Variants in DERL2 observed in about 807,000 individuals in gnomAD.
DERL2 encodes the protein derlin-2.
In DERL2, 13 loss-of-function variants were observed where a neutral mutation model predicts 32.0. The observed-to-expected ratio is 0.41, with a 90% CI of 0.26 to 0.65. The LOEUF is 0.65. Ranked by LOEUF, DERL2 falls within the 30% of genes least tolerant of loss-of-function variation. The probability of loss-of-function intolerance (pLI) is 0.35; values close to 1 mark genes in which losing one functional copy is unlikely to be tolerated. For missense variants in DERL2, 208 were observed against 296.3 expected (o/e 0.70, Z 2.19); for synonymous variants, 111 against 104.7 (o/e 1.06, Z -0.37).
upstream of DERL2, chr17:5,486,224 C>A (rs1906286210): frequency 2.4e-6 from 3 of 1,264,946 alleles, no homozygotes; most frequent in Admixed American, 2.6e-5. Context: ...CAGCAGGCCC[C>A]GGCGGCGGGG....
chr17:5,471,790 T>A lies in DERL2; in HGVS notation c.*2894A>T, dbSNP rs796308773. On this transcript the variant is annotated 3_prime_UTR_variant, in exon 7 of 7. Transcript: ENST00000158771. ...AATGGCAGGATCATGACTAACAACA[T>A]AGCTGGAACTCACCTGTCAAAGAAA... The A allele has an allele frequency of 1.3e-5, 2 of 152,076 alleles. No homozygotes were observed. Among genetic ancestry groups the A allele is most frequent in the African/African-American group, 4.8e-5 (2 of 41,392 alleles). 9.4% of individuals were successfully genotyped at this position (152,076 alleles called of 1,614,324 possible).
At chr17:5,484,871 T>C (rs888398519) in intron 2 of DERL2, among the ~76,000 whole-genome samples, 5 of 152,228 alleles carry the variant, frequency 3.3e-5, no homozygotes, top group African/African-American at 1.2e-4. Flanking sequence ...ATCAAAACGA[T>C]GCAGGGAACT....
chr17:5,484,875 G>A (rs942539083), intron 2 of DERL2, among the ~76,000 whole-genome samples: 1 of 152,182 alleles, frequency 6.6e-6, no homozygotes, highest in Non-Finnish European at 1.5e-5. Context: ...AAACGATGCA[G>A]GGAACTTTAA....
upstream of DERL2, chr17:5,486,730 G>C (rs1906355087): frequency 6.6e-6 from 1 of 152,602 alleles, no homozygotes; most frequent in South Asian, 2.0e-4. Flanking sequence ...AGCGGGGACG[G>C]GCGAGACTGG....
Position 5,473,645 on chromosome 17 carries a change from CAAAA to C in DERL2, c.*1035_*1038del. 1.0e-5 allele frequency: 1 copy of C among 95,478 alleles called. No homozygotes were observed. Among genetic ancestry groups the C allele is most frequent in the Non-Finnish European group, 1.9e-5 (1 of 53,636 alleles). 5.9% of individuals were successfully genotyped at this position (95,478 alleles called of 1,614,324 possible). A position where few individuals can be genotyped will look rare whatever the true frequency, so the allele number is the denominator to read the frequency against. On this transcript the variant is annotated 3_prime_UTR_variant, in exon 7 of 7. Coordinates refer to ENST00000158771, the MANE Select transcript of DERL2 (RefSeq NM_016041.5). ...TAAAAAAACAAAAAACAAAACAAAA[CAAAA>C]AAGGCAAAAAAAAAAAAAATGGCTG...
At chr17:5,486,661 A>G (rs554804954), upstream of DERL2, 1 of 153,402 alleles carries the variant, frequency 6.5e-6, no homozygotes, top group Non-Finnish European at 1.5e-5. Context: ...TGTGCTTCAA[A>G]TCGTCACCCT....
Position 5,476,732 on chromosome 17 carries a change from G to C in DERL2, c.615-1943C>G, listed in dbSNP as rs571393172. Among the ~76,000 whole-genome samples, 5 of 152,282 alleles carry C rather than the reference G, an allele frequency of 3.3e-5. No individual in the cohort carries two copies. In the East Asian group the frequency reaches 9.7e-4, roughly 29 times the overall value. ...GGAGGCGGAGGTTGCAGTGAGCCGA[G>C]ATTGAGCCACTGCACTCAAGCCTGG... On this transcript the variant is annotated intron_variant, in intron 6 of 6. Transcript: ENST00000158771.
intron 1 of DERL2, 37 bp from the exon 2 acceptor site, chr17:5,485,253 A>C (rs753855135): frequency 3.3e-5 from 35 of 1,059,150 alleles, no homozygotes; most frequent in Non-Finnish European, 4.2e-5. Context: ...GCAAATCAAG[A>C]AACAAAATTT....
intron 6 of DERL2, among the ~76,000 whole-genome samples, chr17:5,475,328 C>T (rs1334736616): frequency 1.1e-4 from 16 of 150,760 alleles, no homozygotes; most frequent in Admixed American, 8.6e-4. Flanking sequence ...GGTGCGATCT[C>T]GGCTCACTGC....
intron 1 of DERL2, among the ~76,000 whole-genome samples, chr17:5,485,654 A>T (rs1906171033): frequency 6.6e-6 from 1 of 152,158 alleles, no homozygotes; most frequent in South Asian, 2.1e-4. Context: ...ATTTAGATCC[A>T]GAGACCCTTT....
In DERL2 at chr17:5,474,549, A is replaced by AT. The variant is rs1209439655; in HGVS notation, c.*134dup. 10 of 654,248 alleles carry AT rather than the reference A, an allele frequency of 1.5e-5. No individual in the cohort carries two copies. The highest frequency in any genetic ancestry group is 2.7e-5 in the Non-Finnish European group (10 of 376,976). 40.5% of individuals were successfully genotyped at this position (654,248 alleles called of 1,614,324 possible). The stretch of plus-strand genomic sequence containing the variant: ...TGTCTTCTGGATTAGTCAGTGTACC[A>AT]TTTCATAAAGTGCTTCTGGAGTTAA... On this transcript the variant is annotated 3_prime_UTR_variant, in exon 7 of 7. Transcript: ENST00000158771. This position sits in a 1 kb window ranked among gnomAD's most constrained non-coding sequence, Gnocchi z 4.3.
intron 2 of DERL2, among the ~76,000 whole-genome samples, chr17:5,484,777 C>G (rs1365891219): frequency 6.6e-6 from 1 of 152,192 alleles, no homozygotes; most frequent in African/African-American, 2.4e-5. Context: ...GTGAGACAAC[C>G]CCTAAGCAGC....
upstream of DERL2, chr17:5,486,331 G>C: frequency 7.0e-6 from 3 of 431,538 alleles, no homozygotes; most frequent in South Asian, 7.0e-5. Context: ...ACGCACATCC[G>C]CCAATCACGA....
At chr17:5,475,950 G>C (rs1905356193) in intron 6 of DERL2, among the ~76,000 whole-genome samples, 1 of 152,198 alleles carries the variant, frequency 6.6e-6, no homozygotes, top group Non-Finnish European at 1.5e-5. Flanking sequence ...CAGAGTTGTA[G>C]TTCTGTAGGA....
chr17:5,482,799 T>A lies in DERL2; in HGVS notation c.233+10A>T. ...AAGTTTTGATGCTGACCCCATTTAA[T>A]AAAGGATACAGAAAAATCATGTTAA... On this transcript the variant is annotated intron_variant, in intron 3 of 6. Transcript: ENST00000158771. 1 of 1,430,546 alleles carries A rather than the reference T, an allele frequency of 7.0e-7. No individual in the cohort carries two copies. The highest frequency in any genetic ancestry group is 9.6e-7 in the Non-Finnish European group (1 of 1,038,748). The allele number at this position is 1,430,546 out of a possible 1,614,324, so 88.6% of individuals were successfully genotyped here.
chr17:5,471,444 G>T lies in DERL2; in HGVS notation c.*3240C>A, dbSNP rs1462501029. On this transcript the variant is annotated 3_prime_UTR_variant, in exon 7 of 7. Coordinates refer to ENST00000158771, the MANE Select transcript of DERL2 (RefSeq NM_016041.5). The stretch of plus-strand genomic sequence containing the variant: ...AAGACAATATATAATTTGGCGTTAA[G>T]AATGTCATACAGACTTGAAGCTTTA... The T allele has an allele frequency of 6.6e-6, 1 of 152,158 alleles. No individual in the cohort carries two copies. The highest frequency in any genetic ancestry group is 1.5e-5 in the Non-Finnish European group (1 of 68,028). The allele number at this position is 152,158 out of a possible 1,614,324, so 9.4% of individuals were successfully genotyped here.
At chr17:5,478,051 A>C (rs879288746) in intron 6 of DERL2, 2 of 152,158 alleles carry the variant, frequency 1.3e-5, no homozygotes, top group African/African-American at 4.8e-5. Flanking sequence ...TGTGCCAGAA[A>C]ACAATTGCAA....
chr17:5,484,395 T>A (rs1906007585), intron 2 of DERL2, among the ~76,000 whole-genome samples: 1 of 152,254 alleles, frequency 6.6e-6, no homozygotes, highest in African/African-American at 2.4e-5. Flanking sequence ...TACAGGCATG[T>A]GCCATCACGC....
At position 5,482,724 on chromosome 17, in the gene DERL2, A is replaced by G; in HGVS notation, c.233+85T>C. The stretch of plus-strand genomic sequence containing the variant: ...AATCATAGCTAAGATGGTACCAAAA[A>G]CAAGTAACAGGATGAAAAGTTTCAA... On this transcript the variant is annotated intron_variant, in intron 3 of 6. Transcript: ENST00000158771. 7.8e-6 allele frequency: 6 copies of G among 772,050 alleles called. No individual in the cohort carries two copies. In the South Asian group the frequency reaches 9.7e-5, roughly 13 times the overall value. The allele number at this position is 772,050 out of a possible 1,614,324, so 47.8% of individuals were successfully genotyped here.
Sources: allele counts gnomAD v4.1 joint callset (sites outside exome capture counted in the v4.1 genomes callset), GRCh38; gene constraint gnomAD v4.1.1; non-coding constraint Gnocchi (gnomAD v3.1); transcripts MANE v1.5; gene names NCBI Gene and HGNC (gene_info 2026-07-23, HGNC 2026-07-21).